FAM110C: variants seen among roughly 807,000 people sequenced by gnomAD.
FAM110C encodes the protein protein FAM110C.
In FAM110C, 19 loss-of-function variants were observed where a neutral mutation model predicts 15.7. The observed-to-expected ratio is 1.21, with a 90% confidence interval of 0.85 to 1.78. FAM110C has a LOEUF of 1.78. FAM110C is among the 40% of genes most tolerant of loss of function. FAM110C has a pLI of 0.00. For synonymous variants in FAM110C, 275 were observed against 233.9 expected, an observed-to-expected ratio of 1.18 and a Z score of -1.61; for missense variants, 547 against 495.7, an observed-to-expected ratio of 1.10 and a Z score of -0.98.
chr2:38,998 G>A lies in FAM110C; in HGVS notation c.*2610C>T, dbSNP rs979416026. The A allele has an allele frequency of 6.6e-5, 10 of 152,248 alleles. No individual in the cohort carries two copies. Among genetic ancestry groups the A allele is most frequent in the South Asian group, 2.1e-4 (1 of 4,826 alleles). 9.4% of individuals were successfully genotyped at this position (152,248 alleles called of 1,614,324 possible). ...TGAACTTTGAACCAACTGAAAAAGG[G>A]GAATGTTCAATAAAGCCTCCTTTTT... On this transcript the variant is annotated 3_prime_UTR_variant, in exon 2 of 2. Transcript: ENST00000327669.
rs891475254 is a variant in FAM110C, at chr2:46,313, C to G, written c.73G>C (p.Asp25His). 4.5e-6 allele frequency: 6 copies of G among 1,325,460 alleles called. No individual in the cohort carries two copies. In the African/African-American group the frequency reaches 9.2e-5, roughly 20 times the overall value. The allele number at this position is 1,325,460 out of a possible 1,614,324, so 82.1% of individuals were successfully genotyped here. Residue 25 changes from aspartate (D) to histidine (H), a missense_variant, in exon 1 of 2, where the codon GAC (aspartate) becomes CAC (histidine). Coordinates refer to ENST00000327669, the MANE Select transcript of FAM110C (RefSeq NM_001077710.3). ...CGCGCCGGCCGCGCGGCGTCGGGGT[C>G]CCGGGTAGCCGCGGGGTCCCGGGGA... ...LLPRDPAATR[D>H]PDAARPARRS...
Position 45,599 on chromosome 2 carries a change from G to T in FAM110C, c.787C>A (p.His263Asn). The T allele has an allele frequency of 6.2e-7, 1 of 1,611,858 alleles. No homozygotes were observed. The highest frequency in any genetic ancestry group is 1.7e-4 in the Middle Eastern group (1 of 6,054). Reference sequence around the variant, plus strand: ...AGCCCCTCGTCGTCGCCGCCGCTGTGCCGGGAGAAGCCGCTGCCGGAGGTG... The same window carrying T: ...AGCCCCTCGTCGTCGCCGCCGCTGTTCCGGGAGAAGCCGCTGCCGGAGGTG... ...VATSGSGFSRHSGGDDEGLQE... is the reference protein window; with the variant it reads ...VATSGSGFSRNSGGDDEGLQE... The change falls in exon 1 of 2, where the codon CAC (histidine) becomes AAC (asparagine). Residue 263 changes from histidine (H) to asparagine (N), a missense_variant. His to Asn is a moderately conservative substitution (Grantham distance 68). Transcript: ENST00000327669.
chr2:41,592 C>G lies in FAM110C; in HGVS notation c.*16G>C, dbSNP rs995288964. ...GGGATCCCAAATCACCCATGAAATC[C>G]TTCAAGAAGTCTTCATCATCGGGAA... On this transcript the variant is annotated 3_prime_UTR_variant, in exon 2 of 2. Coordinates refer to ENST00000327669, the MANE Select transcript of FAM110C (RefSeq NM_001077710.3). The G allele has an allele frequency of 6.2e-7, 1 of 1,613,650 alleles. No individual in the cohort carries two copies. Among genetic ancestry groups the G allele is most frequent in the Non-Finnish European group, 8.5e-7 (1 of 1,179,878 alleles).
At chr2:43,505 A>G (rs1664183880) in intron 1 of FAM110C, 1 of 985,278 alleles carries the variant, frequency 1.0e-6, no homozygotes, top group Admixed American at 6.1e-5. Flanking sequence ...GAAAGTTCTC[A>G]CAAGCTAACT....
At chr2:41,841 T>A in intron 1 of FAM110C, 1 of 985,424 alleles carries the variant, frequency 1.0e-6, no homozygotes, top group Non-Finnish European at 1.2e-6. Flanking sequence ...CAGAACAAAT[T>A]CCATCTCCCT....
In FAM110C at chr2:46,132, A is replaced by ACCGGGG. The variant is rs1473513963; in HGVS notation, c.248_253dup (p.Ala83_Pro84dup). ...CTTCCGCGCAATAGCCCTGCGCGCC[A>ACCGGGG]CCGGGGCCGGGGCGCGGGCCGGGGG... is the stretch of plus-strand genomic sequence containing the variant. On this transcript the variant is annotated inframe_insertion, in exon 1 of 2. Coordinates refer to ENST00000327669, the MANE Select transcript of FAM110C (RefSeq NM_001077710.3). 2 of 1,438,538 alleles carry ACCGGGG rather than the reference A, an allele frequency of 1.4e-6. No individual in the cohort carries two copies. Among genetic ancestry groups the ACCGGGG allele is most frequent in the Middle Eastern group, 1.8e-4 (1 of 5,450 alleles). The allele number at this position is 1,438,538 out of a possible 1,614,324, so 89.1% of individuals were successfully genotyped here.
At chr2:43,450 C>G (rs1664182804) in intron 1 of FAM110C, 1 of 985,342 alleles carries the variant, frequency 1.0e-6, no homozygotes, top group Non-Finnish European at 1.2e-6. Flanking sequence ...CAAACCTGCT[C>G]TCACTTTCCC....
At chr2:43,098 C>A in intron 1 of FAM110C, 1 of 985,518 alleles carries the variant, frequency 1.0e-6, no homozygotes, top group Non-Finnish European at 1.2e-6. Flanking sequence ...TTCCGGTGAT[C>A]TGGAGAAAGC....
Position 40,283 on chromosome 2 carries a change from G to A in FAM110C, c.*1325C>T, listed in dbSNP as rs989813525. On this transcript the variant is annotated 3_prime_UTR_variant, in exon 2 of 2. Transcript: ENST00000327669. ...CCTACTCTCACGGTAAAATAGTTAC[G>A]AAAAAAGAATACAATATTAACCAAA... 1 of 151,878 alleles carries A rather than the reference G, an allele frequency of 6.6e-6. No homozygotes were observed. Among genetic ancestry groups the A allele is most frequent in the African/African-American group, 2.4e-5 (1 of 41,356 alleles). The allele number at this position is 151,878 out of a possible 1,614,324, so 9.4% of individuals were successfully genotyped here. A position where few individuals can be genotyped will look rare whatever the true frequency, so the allele number is the denominator to read the frequency against.
chr2:46,369 G>A lies in FAM110C; in HGVS notation c.17C>T (p.Ala6Val). Residue 6 changes from alanine (A) to valine (V), a missense_variant, in exon 1 of 2, where the codon GCC becomes GTC. Ala to Val is a moderately conservative substitution (Grantham distance 64, BLOSUM62 0). Transcript: ENST00000327669. MRALA[A>V]LSAPPNERLL... is the part of the protein sequence containing the mutation. ...CCGCTCGTTCGGGGGCGCGCTCAGG[G>A]CCGCCAGGGCGCGCATCTTCGCGGG... 1.5e-6 allele frequency: 2 copies of A among 1,299,010 alleles called. No individual in the cohort carries two copies. The highest frequency in any genetic ancestry group is 3.1e-5 in the East Asian group (1 of 31,844). The allele number at this position is 1,299,010 out of a possible 1,614,324, so 80.5% of individuals were successfully genotyped here.
At position 45,867 on chromosome 2, in the gene FAM110C, C is replaced by A; in HGVS notation, c.519G>T (p.Arg173=). Residue 173 remains arginine (R), a synonymous_variant, in exon 1 of 2, where the codon CGG becomes CGT. Coordinates refer to ENST00000327669, the MANE Select transcript of FAM110C (RefSeq NM_001077710.3). ...CCGGGACACTGGAGGGCGCCGCGGA[C>A]CGCGCGGCTGGGGCTGGGGTCTCGG... is the stretch of plus-strand genomic sequence containing the variant. ...AIPETPAPAA[R]SAAPSSVPAA... The A allele has an allele frequency of 6.7e-7, 1 of 1,494,790 alleles. No homozygotes were observed. Among genetic ancestry groups the A allele is most frequent in the Admixed American group, 2.3e-5 (1 of 43,636 alleles). The allele number at this position is 1,494,790 out of a possible 1,614,324, so 92.6% of individuals were successfully genotyped here. A position where few individuals can be genotyped will look rare whatever the true frequency, so the allele number is the denominator to read the frequency against.
At chr2:42,143 C>T in intron 1 of FAM110C, 1 of 985,430 alleles carries the variant, frequency 1.0e-6, no homozygotes, top group Non-Finnish European at 1.2e-6. Context: ...AGTCGCATAG[C>T]TTCTCAGAAT....
rs1664284953 is a variant in FAM110C at position 45,973 on chromosome 2, G to A, written c.413C>T (p.Pro138Leu). The A allele has an allele frequency of 6.9e-7, 1 of 1,455,086 alleles. No homozygotes were observed. Among genetic ancestry groups the A allele is most frequent in the Non-Finnish European group, 9.0e-7 (1 of 1,109,578 alleles). The allele number at this position is 1,455,086 out of a possible 1,614,324, so 90.1% of individuals were successfully genotyped here. A position where few individuals can be genotyped will look rare whatever the true frequency, so the allele number is the denominator to read the frequency against. The change falls in exon 1 of 2, where the codon CCC becomes CTC. Residue 138 changes from proline (P) to leucine (L), a missense_variant. Physicochemically the swap from Pro to Leu is moderately conservative, Grantham distance 98. Coordinates refer to ENST00000327669, the MANE Select transcript of FAM110C (RefSeq NM_001077710.3). ...GGCCTTGCCCTCGTCTCCCGTCCGG[G>A]GCACCGGCGCCTTGTCCTTACCCGG... ...QGPGKDKAPV[P>L]RTGDEGKAGN...
intron 1 of FAM110C, chr2:43,103 G>C: frequency 9.1e-6 from 9 of 985,444 alleles, no homozygotes; most frequent in Non-Finnish European, 1.1e-5. Flanking sequence ...GTGATCTGGA[G>C]AAAGCCCAGG....
In FAM110C at chr2:41,556, C is replaced by G; in HGVS notation, c.*52G>C. On this transcript the variant is annotated 3_prime_UTR_variant, in exon 2 of 2. Coordinates refer to ENST00000327669, the MANE Select transcript of FAM110C (RefSeq NM_001077710.3). Reference sequence around the variant, plus strand: ...CATGTGGTCACCTAGGCACACTAGCCAAATGGTCCTGGGATCCCAAATCAC... The same window carrying G: ...CATGTGGTCACCTAGGCACACTAGCGAAATGGTCCTGGGATCCCAAATCAC... 1 of 1,608,708 alleles carries G rather than the reference C, an allele frequency of 6.2e-7. No homozygotes were observed. The highest frequency in any genetic ancestry group is 8.5e-7 in the Non-Finnish European group (1 of 1,177,316).
In FAM110C at chr2:40,582, G is replaced by A. The variant is rs189432434; in HGVS notation, c.*1026C>T. 9 of 152,270 alleles carry A rather than the reference G, an allele frequency of 5.9e-5. No homozygotes were observed. The highest frequency in any genetic ancestry group is 3.9e-4 in the Admixed American group (6 of 15,294). The allele number at this position is 152,270 out of a possible 1,614,324, so 9.4% of individuals were successfully genotyped here. A position where few individuals can be genotyped will look rare whatever the true frequency, so the allele number is the denominator to read the frequency against. On this transcript the variant is annotated 3_prime_UTR_variant, in exon 2 of 2. Coordinates refer to ENST00000327669, the MANE Select transcript of FAM110C (RefSeq NM_001077710.3). Reference sequence around the variant, plus strand: ...ACATTCTCATTATAGCCGCCCTCAGGCTGTCCCTTGTTTCAAAATATGCCC... The same window carrying A: ...ACATTCTCATTATAGCCGCCCTCAGACTGTCCCTTGTTTCAAAATATGCCC...
chr2:41,543 T>C lies in FAM110C; in HGVS notation c.*65A>G. 6.3e-7 allele frequency: 1 copy of C among 1,592,646 alleles called. No individual in the cohort carries two copies. ...GTAAAACAGCAATCATGTGGTCACCTAGGCACACTAGCCAAATGGTCCTGG... is the reference window on the plus strand; with the variant it reads ...GTAAAACAGCAATCATGTGGTCACCCAGGCACACTAGCCAAATGGTCCTGG... On this transcript the variant is annotated 3_prime_UTR_variant, in exon 2 of 2. Transcript: ENST00000327669.
At chr2:42,070 A>G in intron 1 of FAM110C, 2 of 985,444 alleles carry the variant, frequency 2.0e-6, no homozygotes, top group Non-Finnish European at 2.4e-6. Context: ...GGCGCGGGTC[A>G]CACGACAGGG....
chr2:42,024 C>A, intron 1 of FAM110C: 1 of 985,386 alleles, frequency 1.0e-6, no homozygotes. Context: ...AAACAGATTC[C>A]TCCCTTTTCA....
Sources: allele counts gnomAD v4.1 joint callset, GRCh38; gene constraint gnomAD v4.1.1; transcripts MANE v1.5; gene names NCBI Gene and HGNC (gene_info 2026-07-23, HGNC 2026-07-21).